Variants in LSM1 observed in about 807,000 individuals in gnomAD.
LSM1 encodes U6 snRNA-associated Sm-like protein LSm1.
Under a neutral mutation model 18.0 loss-of-function variants are expected in LSM1, and 13 were observed. That is an observed-to-expected ratio of 0.72 (90% CI 0.47 to 1.15). LSM1 has a LOEUF of 1.15. Ranked by LOEUF, LSM1 falls within the 50% of genes most tolerant of loss-of-function variation. LSM1 has a pLI of 0.00. For missense variants in LSM1, 152 were observed against 157.7 expected, an observed-to-expected ratio of 0.96 and a Z score of 0.19; for synonymous variants, 46 against 56.0, an observed-to-expected ratio of 0.82 and a Z score of 0.80.
chr8:38,174,313 C>T (rs1270479089), intron 1 of LSM1, among the ~76,000 whole-genome samples: 1 of 151,806 alleles, frequency 6.6e-6, no homozygotes, highest in Non-Finnish European at 1.5e-5. Context: ...AGGCTAACAA[C>T]GAAAAAAGGT....
In LSM1 at chr8:38,163,833, T is replaced by C; in HGVS notation, c.239A>G (p.Glu80Gly). Reference protein sequence around the residue: ...NVVLLGEIDLEKESDTPLQQV... With the variant: ...NVVLLGEIDLGKESDTPLQQV... ...CTGGAGGGGTGTGTCACTCTCCTTT[T>C]CCAAGTCCTACAAAAGAGACAGGTT... Residue 80 changes from glutamate (E) to glycine (G), a missense_variant, in exon 4 of 4, where the codon GAA (glutamate) becomes GGA (glycine). Coordinates refer to ENST00000311351, the MANE Select transcript of LSM1 (RefSeq NM_014462.3). The C allele has an allele frequency of 6.2e-7, 1 of 1,614,056 alleles. No homozygotes were observed. The highest frequency in any genetic ancestry group is 1.1e-5 in the South Asian group (1 of 91,078).
At chr8:38,171,493 C>T (rs1803030047) in intron 2 of LSM1, among the ~76,000 whole-genome samples, 1 of 152,148 alleles carries the variant, frequency 6.6e-6, no homozygotes, top group African/African-American at 2.4e-5. Context: ...ATGGCGAAAC[C>T]CCGTCTCTAC....
chr8:38,166,204 A>G (rs1434752651), intron 3 of LSM1: 1 of 151,898 alleles, frequency 6.6e-6, no homozygotes, highest in Non-Finnish European at 1.5e-5. Flanking sequence ...ATGATCTGAA[A>G]CTCTTGGGCT....
intron 2 of LSM1, among the ~76,000 whole-genome samples, chr8:38,171,169 A>G (rs1369018032): frequency 6.6e-6 from 1 of 152,184 alleles, no homozygotes; most frequent in Non-Finnish European, 1.5e-5. Flanking sequence ...CCCAATTTTC[A>G]TTGGCTAGGG....
At chr8:38,173,963 T>A (rs1803072746) in intron 1 of LSM1, among the ~76,000 whole-genome samples, 2 of 152,118 alleles carry the variant, frequency 1.3e-5, no homozygotes, top group South Asian at 4.1e-4. Flanking sequence ...AAGTACCAGT[T>A]GTTAGAGAAA....
At chr8:38,167,872 G>C (rs1049081077) in intron 3 of LSM1, among the ~76,000 whole-genome samples, 1 of 151,704 alleles carries the variant, frequency 6.6e-6, no homozygotes, top group Non-Finnish European at 1.5e-5. Context: ...AACATAGTGA[G>C]ACCCCATCTC....
intron 3 of LSM1, among the ~76,000 whole-genome samples, chr8:38,167,942 C>T (rs1371800025): frequency 6.6e-6 from 1 of 151,796 alleles, no homozygotes; most frequent in Non-Finnish European, 1.5e-5. Context: ...CCCATGGGTA[C>T]CATGGTACTA....
intron 1 of LSM1, among the ~76,000 whole-genome samples, chr8:38,173,035 G>T (rs758517971): frequency 2.0e-5 from 3 of 152,222 alleles, no homozygotes; most frequent in Non-Finnish European, 2.9e-5. Context: ...TGAAGGGAGA[G>T]AAGTGGTTAC....
chr8:38,169,989 C>A (rs1585640453), intron 2 of LSM1, 72 bp from the exon 3 acceptor site: 1 of 686,092 alleles, frequency 1.5e-6, no homozygotes, highest in South Asian at 1.9e-5. Flanking sequence ...ACTCAATAAT[C>A]AGTTATTTTG....
At chr8:38,171,483 A>G (rs1231611837) in intron 2 of LSM1, among the ~76,000 whole-genome samples, 1 of 152,204 alleles carries the variant, frequency 6.6e-6, no homozygotes, top group Non-Finnish European at 1.5e-5. Context: ...CCTGGCCAAC[A>G]TGGCGAAACC....
intron 1 of LSM1, 115 bp downstream of exon 1, chr8:38,176,160 C>G (rs1585645430): frequency 1.2e-6 from 1 of 851,132 alleles, no homozygotes. Flanking sequence ...CCGGATTGAG[C>G]TCAGAACACA....
At chr8:38,166,274 A>G (rs1219439435) in intron 3 of LSM1, among the ~76,000 whole-genome samples, 1 of 152,120 alleles carries the variant, frequency 6.6e-6, no homozygotes, top group African/African-American at 2.4e-5. Flanking sequence ...GTGCCACCAC[A>G]TCTGGCATTA....
In LSM1 at chr8:38,176,488, C is replaced by CA; in HGVS notation, c.-169dup. On this transcript the variant is annotated 5_prime_UTR_variant, in exon 1 of 4. An upstream start codon of the reference 5' UTR is lost. Transcript: ENST00000311351. ...CGCCGGGGGCTGCCGGAAGCTCCTC[C>CA]ATATTACCCTTACCCACTTCCTGTA... The CA allele has an allele frequency of 1.6e-6, 1 of 614,700 alleles. No homozygotes were observed. Among genetic ancestry groups the CA allele is most frequent in the East Asian group, 2.8e-5 (1 of 36,176 alleles). 38.1% of individuals were successfully genotyped at this position (614,700 alleles called of 1,614,324 possible). A position where few individuals can be genotyped will look rare whatever the true frequency, so the allele number is the denominator to read the frequency against.
upstream of LSM1, chr8:38,176,560 G>A: frequency 3.5e-6 from 2 of 579,046 alleles, no homozygotes; most frequent in South Asian, 4.6e-5. Context: ...TACCGTTGGG[G>A]GACACCCTTT....
chr8:38,174,701 T>C (rs1803088181), intron 1 of LSM1, among the ~76,000 whole-genome samples: 1 of 152,094 alleles, frequency 6.6e-6, no homozygotes, highest in South Asian at 2.1e-4. Context: ...TTCCCTTACA[T>C]AGCACAATAA....
At chr8:38,171,937 T>C (rs372103926) in intron 2 of LSM1, 28 bp downstream of exon 2, 1 of 1,505,150 alleles carries the variant, frequency 6.6e-7, no homozygotes, top group Non-Finnish European at 9.2e-7. Flanking sequence ...ATCCAGAGTA[T>C]AAGAGATGTC....
At chr8:38,169,224 C>T (rs1802986104) in intron 3 of LSM1, among the ~76,000 whole-genome samples, 1 of 152,122 alleles carries the variant, frequency 6.6e-6, no homozygotes, top group African/African-American at 2.4e-5. Flanking sequence ...TGTCTGCACA[C>T]ACGAAGACCT....
intron 2 of LSM1, among the ~76,000 whole-genome samples, chr8:38,170,735 C>G (rs1191940580): frequency 6.6e-6 from 1 of 152,204 alleles, no homozygotes; most frequent in African/African-American, 2.4e-5. Flanking sequence ...TTCACCTTGA[C>G]AGATAACTAT....
At chr8:38,163,960 G>C (rs368163182) in intron 3 of LSM1, 120 bp from the exon 4 acceptor site, 1 of 845,702 alleles carries the variant, frequency 1.2e-6, no homozygotes, top group Non-Finnish European at 1.9e-6. Context: ...GACAGGAACT[G>C]AAATATCCTT....
Sources: allele counts gnomAD v4.1 joint callset (sites outside exome capture counted in the v4.1 genomes callset), GRCh38; gene constraint gnomAD v4.1.1; transcripts MANE v1.5; gene names NCBI Gene and HGNC (gene_info 2026-07-23, HGNC 2026-07-21).